FBLN7: variants seen among roughly 807,000 people sequenced by gnomAD.
FBLN7 encodes fibulin-7.
In FBLN7, 31 loss-of-function variants were observed where a neutral mutation model predicts 44.0. That is an observed-to-expected ratio of 0.70 (90% CI 0.53 to 0.95). The LOEUF is 0.95. Ranked by LOEUF, FBLN7 falls within the 40% of genes least tolerant of loss-of-function variation. FBLN7 has a pLI of 0.00. For missense variants in FBLN7, 573 were observed against 618.5 expected, an observed-to-expected ratio of 0.93 and a Z score of 0.78; for synonymous variants, 262 against 253.4, an observed-to-expected ratio of 1.03 and a Z score of -0.32.
rs1682081670 is a variant in FBLN7, at chr2:112,165,091, C to T, written c.326C>T (p.Pro109Leu). ...CACGAAGTCCATTTTACCTGCAACCCTGGGTTCCGGCTGGTCGGGCCCAGC... is the reference window on the plus strand; with the variant it reads ...CACGAAGTCCATTTTACCTGCAACCTTGGGTTCCGGCTGGTCGGGCCCAGC... ...VDHEVHFTCN[P>L]GFRLVGPSSV... is the part of the protein sequence containing the mutation. Residue 109 changes from proline to leucine, a missense_variant, in exon 3 of 8, where the codon CCT (proline) becomes CTT (leucine). Coordinates refer to ENST00000331203, the MANE Select transcript of FBLN7 (RefSeq NM_153214.3). 2 of 1,614,088 alleles carry T rather than the reference C, an allele frequency of 1.2e-6. No individual in the cohort carries two copies. The highest frequency in any genetic ancestry group is 1.3e-5 in the African/African-American group (1 of 74,910).
the FBLN7 span, among the ~76,000 whole-genome samples, chr2:112,207,482 A>T: frequency 6.6e-6 from 1 of 151,898 alleles, no homozygotes; most frequent in East Asian, 1.9e-4. Flanking sequence ...AAAAAAAAAA[A>T]GAATGTGTAT....
At chr2:112,212,964 G>GTTTTTTTTTTTTTT in the FBLN7 span, 1 of 99,442 alleles carries the variant, frequency 1.0e-5, no homozygotes, top group Non-Finnish European at 2.1e-5. Flanking sequence ...CAGAAGAAAT[G>GTTTTTTTTTTTTTT]CTTTTTTTTT....
the FBLN7 span, among the ~76,000 whole-genome samples, chr2:112,210,160 T>C: frequency 1.3e-5 from 2 of 151,836 alleles, no homozygotes; most frequent in South Asian, 2.1e-4. Flanking sequence ...TGTCTTTACA[T>C]GAGGTGGAGA....
rs1384874524 is a variant in FBLN7 at position 112,182,858 on chromosome 2, C to T, written c.738C>T (p.Asn246=). The stretch of plus-strand genomic sequence containing the variant: ...GGCTCTGCATGCACGCCTGCGTGAA[C>T]ACCCCGGGCTCTTACCGTTGCACCT... The part of the protein sequence containing the change: ...RPRLCMHACV[N]TPGSYRCTCP... Residue 246 remains asparagine, a synonymous_variant, in exon 6 of 8, where the codon AAC becomes AAT. Transcript: ENST00000331203. The T allele has an allele frequency of 1.2e-6, 2 of 1,612,794 alleles. No individual in the cohort carries two copies. The highest frequency in any genetic ancestry group is 2.7e-5 in the African/African-American group (2 of 74,942).
chr2:112,156,536 G>A (rs1681437246), intron 1 of FBLN7, among the ~76,000 whole-genome samples: 1 of 152,216 alleles, frequency 6.6e-6, no homozygotes, highest in Non-Finnish European at 1.5e-5. Context: ...CCTTTTTTAA[G>A]GAAGGGGACG....
chr2:112,199,498 CA>C, the FBLN7 span, among the ~76,000 whole-genome samples: 7 of 152,134 alleles, frequency 4.6e-5, no homozygotes. Context: ...TCCTAACACC[CA>C]CTCACTCACA....
In FBLN7 at chr2:112,181,813, C is replaced by G; in HGVS notation, c.607C>G (p.Gln203Glu). 1 of 1,512,048 alleles carries G rather than the reference C, an allele frequency of 6.6e-7. No homozygotes were observed. Among genetic ancestry groups the G allele is most frequent in the Non-Finnish European group, 8.8e-7 (1 of 1,136,964 alleles). 93.7% of individuals were successfully genotyped at this position (1,512,048 alleles called of 1,614,324 possible). ...APRCAQVERA[Q>E]HCSCEAGFHL... The stretch of plus-strand genomic sequence containing the variant: ...GCGCTGTGCGCAGGTGGAGCGGGCT[C>G]AGCACTGCAGCTGCGAGGCCGGATT... The change falls in exon 5 of 8, where the codon CAG becomes GAG. Residue 203 changes from glutamine (Q) to glutamate (E), a missense_variant. Transcript: ENST00000331203.
the FBLN7 span, among the ~76,000 whole-genome samples, chr2:112,201,673 A>G: frequency 6.6e-6 from 1 of 152,180 alleles, no homozygotes; most frequent in South Asian, 2.1e-4. Flanking sequence ...TCCCCAACTT[A>G]GGGAGAACAT....
chr2:112,143,659 A>C (rs1373336857), intron 1 of FBLN7, among the ~76,000 whole-genome samples: 1 of 152,188 alleles, frequency 6.6e-6, no homozygotes, highest in Admixed American at 6.5e-5. Flanking sequence ...TGCTCTTTGA[A>C]GTCACACCTA....
At chr2:112,147,663 A>G (rs1680956335) in intron 1 of FBLN7, among the ~76,000 whole-genome samples, 2 of 152,180 alleles carry the variant, frequency 1.3e-5, no homozygotes, top group Middle Eastern at 6.8e-3. Flanking sequence ...GGGCTTTGGG[A>G]GAGAGTCTCT....
At chr2:112,192,722 A>G (rs1160820767), downstream of FBLN7, among the ~76,000 whole-genome samples, 1 of 152,188 alleles carries the variant, frequency 6.6e-6, no homozygotes, top group Admixed American at 6.5e-5. Flanking sequence ...CTTTCCACCA[A>G]CCACTGCCTC....
At chr2:112,163,842 A>G (rs1682002719) in intron 2 of FBLN7, among the ~76,000 whole-genome samples, 1 of 151,974 alleles carries the variant, frequency 6.6e-6, no homozygotes, top group Non-Finnish European at 1.5e-5. Flanking sequence ...ATGTCTAACT[A>G]CTTTCCACCT....
the FBLN7 span, among the ~76,000 whole-genome samples, chr2:112,195,894 C>T: frequency 6.6e-6 from 1 of 152,226 alleles, no homozygotes; most frequent in Non-Finnish European, 1.5e-5. Context: ...TGGCCTAATA[C>T]TTCCTCCTCT....
At chr2:112,239,365 C>A in the FBLN7 span, among the ~76,000 whole-genome samples, 2 of 151,926 alleles carry the variant, frequency 1.3e-5, no homozygotes, top group African/African-American at 2.4e-5. Context: ...AAAAAATGAC[C>A]AAGTATCAAA....
downstream of FBLN7, among the ~76,000 whole-genome samples, chr2:112,192,583 A>G (rs1034198463): frequency 6.6e-6 from 1 of 152,238 alleles, no homozygotes; most frequent in Admixed American, 6.5e-5. Context: ...TACCTACAAC[A>G]CTAGCAAACG....
At chr2:112,165,700 G>A (rs180689096) in intron 3 of FBLN7, among the ~76,000 whole-genome samples, 7 of 152,312 alleles carry the variant, frequency 4.6e-5, no homozygotes, top group African/African-American at 2.4e-5. Context: ...CTGGGGCTGA[G>A]GAAACTCCTC....
In FBLN7 at chr2:112,138,564, C is replaced by T. The variant is rs1680461276; in HGVS notation, c.-92C>T. 4 of 1,598,582 alleles carry T rather than the reference C, an allele frequency of 2.5e-6. No homozygotes were observed. The highest frequency in any genetic ancestry group is 3.4e-6 in the Non-Finnish European group (4 of 1,171,412). Reference sequence around the variant, plus strand: ...CCCCCGGCCGCGCGGCGCCCCGCACCCTGCAGGGACGGCTGCCGCATCGCT... The same window carrying T: ...CCCCCGGCCGCGCGGCGCCCCGCACTCTGCAGGGACGGCTGCCGCATCGCT... On this transcript the variant is annotated 5_prime_UTR_variant, in exon 1 of 8. Transcript: ENST00000331203.
chr2:112,144,494 T>C (rs76961332), intron 1 of FBLN7, among the ~76,000 whole-genome samples: 7,467 of 151,666 alleles, frequency 0.049, 229 homozygotes, highest in African/African-American at 0.084. Flanking sequence ...TTTTTGTTTT[T>C]GCTTTTGTTT....
the FBLN7 span, among the ~76,000 whole-genome samples, chr2:112,242,728 T>C: frequency 1.3e-5 from 2 of 152,210 alleles, no homozygotes; most frequent in Non-Finnish European, 2.9e-5. Flanking sequence ...TTCACCACAA[T>C]ATTCCCAACT....
Sources: gnomAD v4.1 joint callset for allele counts (sites outside exome capture counted in the v4.1 genomes callset) on GRCh38, gnomAD v4.1.1 for gene constraint, MANE v1.5 for transcripts, NCBI Gene and HGNC (gene_info 2026-07-23, HGNC 2026-07-21) for gene names.